The following DLGAP2 variants were observed in gnomAD, a reference collection of about 807,000 sequenced individuals.
DLGAP2 encodes disks large-associated protein 2.
A neutral mutation model predicts 100.3 loss-of-function variants in DLGAP2; 26 were observed. That is an observed-to-expected ratio of 0.26 (90% confidence interval 0.19 to 0.36). The LOEUF (loss-of-function observed/expected upper bound fraction) is 0.36. DLGAP2 is among the 10% of genes least tolerant of loss of function. The probability of loss-of-function intolerance (pLI) is 1.00; values close to 1 mark genes in which losing one functional copy is unlikely to be tolerated. For missense variants in DLGAP2, 1,858 were observed against 1,453.2 expected (o/e 1.28, Z -4.53); for synonymous variants, 886 against 630.1 (o/e 1.41, Z -6.08).
At chr8:1,462,554 C>A (rs1036421783) in intron 3 of DLGAP2, among the ~76,000 whole-genome samples, 2 of 147,970 alleles carry the variant, frequency 1.4e-5, no homozygotes, top group Admixed American at 6.7e-5. Flanking sequence ...GGGAGAAGGG[C>A]GGTGTTCAGG....
intron 2 of DLGAP2, among the ~76,000 whole-genome samples, chr8:937,083 A>G (rs1799088860): frequency 6.6e-6 from 1 of 152,174 alleles, no homozygotes; most frequent in Admixed American, 6.5e-5. Flanking sequence ...ATCTACAGAC[A>G]TGTGGTGCCC....
chr8:1,356,425 G>A (rs956666477), intron 3 of DLGAP2, among the ~76,000 whole-genome samples: 12 of 152,302 alleles, frequency 7.9e-5, no homozygotes, highest in South Asian at 2.1e-4. Flanking sequence ...AACCACAAGC[G>A]CTTTCAGGGG....
intron 6 of DLGAP2, among the ~76,000 whole-genome samples, chr8:1,597,091 A>C (rs1195072853): frequency 6.6e-6 from 1 of 152,176 alleles, no homozygotes; most frequent in Non-Finnish European, 1.5e-5. Context: ...ATAGCTAGCC[A>C]GTTTTCCCAA....
intron 3 of DLGAP2, among the ~76,000 whole-genome samples, chr8:1,330,239 G>A (rs879760647): frequency 1.3e-5 from 2 of 152,224 alleles, no homozygotes; most frequent in African/African-American, 2.4e-5. Context: ...TGAGTTCTGG[G>A]TGGGAGCACC....
intron 1 of DLGAP2, chr8:822,220 CTG>C: frequency 2.5e-6 from 1 of 399,336 alleles, no homozygotes; most frequent in East Asian, 3.6e-5. Flanking sequence ...CTCTTGCTTC[CTG>C]TGTGTGTCCG....
intron 3 of DLGAP2, among the ~76,000 whole-genome samples, chr8:1,282,826 C>A (rs1799843190): frequency 1.2e-5 from 1 of 86,636 alleles, no homozygotes; most frequent in East Asian, 3.7e-4. Flanking sequence ...CATGGTGTGA[C>A]CTGAACCCAG....
At chr8:1,155,610 C>G (rs1200030174) in intron 2 of DLGAP2, among the ~76,000 whole-genome samples, 3 of 152,174 alleles carry the variant, frequency 2.0e-5, no homozygotes, top group African/African-American at 4.8e-5. Context: ...CTCACCACAT[C>G]TGGCCGGGGT....
At chr8:1,601,876 CA>C (rs1285047872) in intron 6 of DLGAP2, among the ~76,000 whole-genome samples, 3 of 151,844 alleles carry the variant, frequency 2.0e-5, no homozygotes, top group African/African-American at 4.8e-5. Flanking sequence ...TTCAGTGAGA[CA>C]TTTTTTTCAC....
chr8:875,879 C>T (rs181958899), intron 1 of DLGAP2, among the ~76,000 whole-genome samples: 20 of 152,262 alleles, frequency 1.3e-4, no homozygotes, highest in Middle Eastern at 3.4e-3. Flanking sequence ...TGGCATAATT[C>T]TAGTAATAAA....
At position 1,527,452 on chromosome 8, in the gene DLGAP2, G is replaced by A. The variant is rs76210934; in HGVS notation, c.173-21174G>A. ...GGATGTCAGTGGAAAGCCATAATAA[G>A]TTCAAACATGAAATTAGTGTCTCAC... On this transcript the variant is annotated intron_variant, in intron 4 of 14. Coordinates refer to ENST00000637795, the MANE Select transcript of DLGAP2 (RefSeq NM_001346810.2). Among the ~76,000 whole-genome samples the A allele has an allele frequency of 3.3e-3, 496 of 152,338 alleles. 2 individuals are homozygous for A. The highest frequency in any genetic ancestry group is 0.011 in the African/African-American group (467 of 41,574).
At chr8:1,432,302 TTAATC>T (rs1280041917) in intron 3 of DLGAP2, among the ~76,000 whole-genome samples, 19 of 152,212 alleles carry the variant, frequency 1.2e-4, no homozygotes, top group African/African-American at 4.6e-4. Context: ...GCTGCCAAAT[TTAATC>T]TGAGAAACTG....
intron 2 of DLGAP2, among the ~76,000 whole-genome samples, chr8:1,228,056 C>T (rs886989575): frequency 1.3e-5 from 2 of 151,438 alleles, no homozygotes; most frequent in Non-Finnish European, 2.9e-5. Context: ...GGAAGGGGAA[C>T]ATCACACACT....
intron 2 of DLGAP2, among the ~76,000 whole-genome samples, chr8:1,179,979 A>T (rs1339914966): frequency 2.6e-5 from 4 of 152,254 alleles, no homozygotes; most frequent in Admixed American, 1.3e-4. Context: ...AAATGCAATT[A>T]AAATACTTGG....
intron 2 of DLGAP2, among the ~76,000 whole-genome samples, chr8:1,233,762 G>T (rs1051821896): frequency 6.6e-6 from 1 of 152,190 alleles, no homozygotes; most frequent in Non-Finnish European, 1.5e-5. Context: ...GGACATCAGG[G>T]TCTCACTGGG....
At chr8:894,242 G>T (rs146238206) in intron 1 of DLGAP2, among the ~76,000 whole-genome samples, 107 of 152,282 alleles carry the variant, frequency 7.0e-4, no homozygotes, top group African/African-American at 2.5e-3. Context: ...TGATCTTTGT[G>T]GCTTCCAGCC....
At chr8:1,509,068 C>A (rs1049593358) in intron 4 of DLGAP2, among the ~76,000 whole-genome samples, 8 of 152,050 alleles carry the variant, frequency 5.3e-5, no homozygotes, top group African/African-American at 1.9e-4. Context: ...CACGGTGGCT[C>A]ACGCCTGTAA....
intron 2 of DLGAP2, among the ~76,000 whole-genome samples, chr8:1,181,084 C>T (rs1797376821): frequency 2.5e-5 from 1 of 39,258 alleles, no homozygotes; most frequent in African/African-American, 1.1e-4. Context: ...TGTGCAAGGG[C>T]AGTCACTTAC....
intron 6 of DLGAP2, among the ~76,000 whole-genome samples, chr8:1,584,095 C>G (rs1351899827): frequency 1.3e-5 from 2 of 152,106 alleles, no homozygotes; most frequent in Admixed American, 6.5e-5. Flanking sequence ...AAAGCAAGAG[C>G]TGTCTCATTT....
At chr8:1,323,125 G>A (rs1310048056) in intron 3 of DLGAP2, among the ~76,000 whole-genome samples, 2 of 151,758 alleles carry the variant, frequency 1.3e-5, no homozygotes, top group Non-Finnish European at 2.9e-5. Context: ...CGCCTCCCAG[G>A]TTCAAGCAAT....
Sources: allele counts gnomAD v4.1 joint callset (sites outside exome capture counted in the v4.1 genomes callset), GRCh38; gene constraint gnomAD v4.1.1; transcripts MANE v1.5; gene names NCBI Gene and HGNC (gene_info 2026-07-23, HGNC 2026-07-21).